The following BMPR2 variants were observed in gnomAD, a reference collection of about 807,000 sequenced individuals.
BMPR2 encodes bone morphogenetic protein receptor type 2.
In BMPR2, 29 loss-of-function variants were observed where a neutral mutation model predicts 100.8. The observed-to-expected ratio is 0.29, with a 90% CI of 0.21 to 0.39. The LOEUF is 0.39. BMPR2 is among the 10% of genes least tolerant of loss of function. BMPR2 has a pLI of 1.00. For missense variants in BMPR2, 1,011 were observed against 1,274.5 expected (o/e 0.79, Z 3.15); for synonymous variants, 382 against 442.3 (o/e 0.86, Z 1.71).
chr2:202,468,660 A>T (rs528309854), intron 3 of BMPR2, among the ~76,000 whole-genome samples: 3 of 152,230 alleles, frequency 2.0e-5, no homozygotes, highest in Non-Finnish European at 4.4e-5. Flanking sequence ...ACTGCACAAT[A>T]TTAGGAAGTA....
chr2:202,427,756 T>A (rs1185524880), intron 1 of BMPR2, among the ~76,000 whole-genome samples: 2 of 152,124 alleles, frequency 1.3e-5, no homozygotes, highest in South Asian at 4.1e-4. Flanking sequence ...GGTGGGTGGA[T>A]TGCTTGAGCT....
intron 1 of BMPR2, among the ~76,000 whole-genome samples, chr2:202,400,761 AC>A (rs1690755451): frequency 6.6e-6 from 1 of 152,184 alleles, no homozygotes. Context: ...TAAATCTTTA[AC>A]TTTGCCACTA....
chr2:202,489,814 A>C (rs1692860946), intron 3 of BMPR2, among the ~76,000 whole-genome samples: 1 of 152,206 alleles, frequency 6.6e-6, no homozygotes. Context: ...GTTGACACAC[A>C]CCTACGTAAG....
intron 5 of BMPR2, among the ~76,000 whole-genome samples, chr2:202,515,848 C>T (rs1687702101): frequency 6.6e-6 from 1 of 152,038 alleles, no homozygotes; most frequent in Non-Finnish European, 1.5e-5. Flanking sequence ...AAGATCACGC[C>T]ACTGCACTCT....
intron 7 of BMPR2, chr2:202,520,711 A>T (rs528507160): frequency 6.4e-6 from 1 of 156,438 alleles, no homozygotes; most frequent in Admixed American, 6.4e-5. Flanking sequence ...TCCCCCTGCC[A>T]TATGACAAGA....
intron 1 of BMPR2, among the ~76,000 whole-genome samples, chr2:202,410,597 T>G (rs1690993413): frequency 6.6e-6 from 1 of 152,168 alleles, no homozygotes; most frequent in African/African-American, 2.4e-5. Context: ...GCTAGCTATC[T>G]GAGACAGTCT....
At chr2:202,539,538 A>T (rs1372984598) in intron 9 of BMPR2, among the ~76,000 whole-genome samples, 1 of 152,158 alleles carries the variant, frequency 6.6e-6, no homozygotes, top group Non-Finnish European at 1.5e-5. Flanking sequence ...AACATTTTTT[A>T]AACTTTTATG....
intron 1 of BMPR2, among the ~76,000 whole-genome samples, chr2:202,396,859 G>A (rs1269400392): frequency 1.3e-5 from 2 of 151,870 alleles, no homozygotes; most frequent in East Asian, 1.9e-4. Flanking sequence ...GTGCAGTGGC[G>A]CGATCTCGGC....
chr2:202,423,701 C>T (rs1691320117), intron 1 of BMPR2, among the ~76,000 whole-genome samples: 1 of 152,094 alleles, frequency 6.6e-6, no homozygotes, highest in Non-Finnish European at 1.5e-5. Context: ...CTGCAGTGAG[C>T]TATGATGGCG....
intron 1 of BMPR2, among the ~76,000 whole-genome samples, chr2:202,409,563 C>T (rs997880537): frequency 1.3e-5 from 2 of 151,856 alleles, no homozygotes; most frequent in Non-Finnish European, 2.9e-5. Flanking sequence ...TTAATTAAAA[C>T]AAAAACAAAA....
At chr2:202,414,307 C>T (rs1009696145) in intron 1 of BMPR2, among the ~76,000 whole-genome samples, 2 of 152,172 alleles carry the variant, frequency 1.3e-5, no homozygotes, top group South Asian at 4.1e-4. Flanking sequence ...TGTTTGTGTT[C>T]TGACTGTTCT....
chr2:202,519,355 G>A (rs1050712159), intron 6 of BMPR2, among the ~76,000 whole-genome samples: 3 of 151,954 alleles, frequency 2.0e-5, no homozygotes, highest in Non-Finnish European at 2.9e-5. Flanking sequence ...AGAGCAAGAC[G>A]CAATCTCAAA....
At chr2:202,467,223 A>G (rs1692341427) in intron 2 of BMPR2, among the ~76,000 whole-genome samples, 1 of 152,232 alleles carries the variant, frequency 6.6e-6, no homozygotes, top group Admixed American at 6.5e-5. Flanking sequence ...AGATCGTGCC[A>G]TTGCACTCTA....
chr2:202,442,739 A>G (rs1691772705), intron 1 of BMPR2, among the ~76,000 whole-genome samples: 2 of 150,624 alleles, frequency 1.3e-5, no homozygotes, highest in East Asian at 3.8e-4. Context: ...TAATGTCCTC[A>G]AGGTTCATCC....
At chr2:202,417,837 G>T (rs1691168513) in intron 1 of BMPR2, among the ~76,000 whole-genome samples, 1 of 151,678 alleles carries the variant, frequency 6.6e-6, no homozygotes, top group East Asian at 1.9e-4. Context: ...TTCCGCCTCA[G>T]CCTCCCCAGT....
intron 1 of BMPR2, among the ~76,000 whole-genome samples, chr2:202,460,817 C>CTTT (rs35366212): frequency 4.5e-5 from 6 of 132,064 alleles, no homozygotes; most frequent in Admixed American, 1.5e-4. Flanking sequence ...AAAGACCAAA[C>CTTT]TTTTTTTTTT....
chr2:202,537,763 G>A (rs1688189660), intron 9 of BMPR2, among the ~76,000 whole-genome samples: 1 of 152,174 alleles, frequency 6.6e-6, no homozygotes, highest in African/African-American at 2.4e-5. Flanking sequence ...ATATGGAAAT[G>A]GGGAGAGGCA....
At chr2:202,468,996 C>CT (rs955026916) in intron 3 of BMPR2, among the ~76,000 whole-genome samples, 10 of 151,112 alleles carry the variant, frequency 6.6e-5, no homozygotes, top group South Asian at 4.2e-4. Flanking sequence ...CTGAGTGTAG[C>CT]TTTTTTTTTG....
chr2:202,381,405 A>G (rs1210478225), intron 1 of BMPR2, among the ~76,000 whole-genome samples: 1 of 152,112 alleles, frequency 6.6e-6, no homozygotes, highest in Non-Finnish European at 1.5e-5. Flanking sequence ...GGCTAGAGGG[A>G]GAAGTAACAT....
Sources: gnomAD v4.1 joint callset for allele counts (sites outside exome capture counted in the v4.1 genomes callset) on GRCh38, gnomAD v4.1.1 for gene constraint, MANE v1.5 for transcripts, NCBI Gene and HGNC (gene_info 2026-07-23, HGNC 2026-07-21) for gene names.